PLEKHM3: variants seen among roughly 807,000 people sequenced by gnomAD.
The protein encoded by PLEKHM3 is pleckstrin homology domain-containing family M member 3.
A neutral mutation model predicts 81.8 loss-of-function variants in PLEKHM3; 45 were observed. That is an observed-to-expected ratio of 0.55 (90% CI 0.43 to 0.71). PLEKHM3 has a LOEUF of 0.71. Among genes scored for constraint, PLEKHM3 ranks in the 30% least tolerant of loss-of-function variants. The pLI is 0.00. For missense variants in PLEKHM3, 788 were observed against 924.3 expected (o/e 0.85, Z 1.91); for synonymous variants, 352 against 356.4 (o/e 0.99, Z 0.14).
At chr2:207,892,017 G>A (rs1361835653) in intron 6 of PLEKHM3, among the ~76,000 whole-genome samples, 1 of 152,146 alleles carries the variant, frequency 6.6e-6, no homozygotes, top group African/African-American at 2.4e-5. Flanking sequence ...TCGAAACTGA[G>A]GACACCCTTC....
chr2:208,015,921 C>T lies in PLEKHM3; in HGVS notation c.-319+9468G>A, dbSNP rs536923508. ...ATTGAAATAAATCGCTGGCCAGGCACGGTGGCTCATGCCCGTAATCCCAGC... is the reference window on the plus strand; with the variant it reads ...ATTGAAATAAATCGCTGGCCAGGCATGGTGGCTCATGCCCGTAATCCCAGC... On this transcript the variant is annotated intron_variant, in intron 1 of 7. Transcript: ENST00000427836. 7.9e-5 allele frequency among the ~76,000 whole-genome samples: 12 copies of T among 152,298 alleles called. No individual in the cohort carries two copies. The South Asian group carries it at 2.1e-3, about 26-fold the overall frequency.
chr2:208,003,827 A>C (rs1406181192), intron 1 of PLEKHM3, among the ~76,000 whole-genome samples: 1 of 152,238 alleles, frequency 6.6e-6, no homozygotes, highest in Non-Finnish European at 1.5e-5. Context: ...ATATACATAA[A>C]TATAATAAAT....
rs1324168402 is a variant in PLEKHM3 at position 207,843,848 on chromosome 2, G to T, written c.2109-15352C>A. Among the ~76,000 whole-genome samples the T allele has an allele frequency of 6.6e-6, 1 of 152,106 alleles. No homozygotes were observed. Among genetic ancestry groups the T allele is most frequent in the Non-Finnish European group, 1.5e-5 (1 of 68,024 alleles). On this transcript the variant is annotated intron_variant, in intron 7 of 7. Transcript: ENST00000427836. This position sits in a 1 kb window ranked among gnomAD's most constrained non-coding sequence, Gnocchi z 4.4. ...CTCATGCCTGTAATCCCAGCAATTT[G>T]GGAGGCCAGGGCAGGAGGATTGCTT... is the stretch of plus-strand genomic sequence containing the variant.
chr2:207,969,951 C>T (rs1691054437), intron 3 of PLEKHM3, among the ~76,000 whole-genome samples: 1 of 152,124 alleles, frequency 6.6e-6, no homozygotes, highest in African/African-American at 2.4e-5. Flanking sequence ...CATCCATTCC[C>T]ACAAATAAAG....
intron 7 of PLEKHM3, among the ~76,000 whole-genome samples, chr2:207,857,214 A>T (rs2092441427): frequency 6.6e-6 from 1 of 152,160 alleles, no homozygotes; most frequent in African/African-American, 2.4e-5. Flanking sequence ...TTTGTCTTAC[A>T]TATTTTGACT....
chr2:207,823,675 G>A lies in PLEKHM3; in HGVS notation c.*4644C>T, dbSNP rs2092232669. ...GCTGGTCTCAAACTCCTGACCTCAA[G>A]TGATCTGCCTGCCTTGGCCTCCCAA... is the stretch of plus-strand genomic sequence containing the variant. On this transcript the variant is annotated 3_prime_UTR_variant, in exon 8 of 8. Transcript: ENST00000427836. The A allele has an allele frequency of 1.3e-5, 2 of 152,196 alleles. No homozygotes were observed. The highest frequency in any genetic ancestry group is 2.9e-5 in the Non-Finnish European group (2 of 68,080). The allele number at this position is 152,196 out of a possible 1,614,324, so 9.4% of individuals were successfully genotyped here. A position where few individuals can be genotyped will look rare whatever the true frequency, so the allele number is the denominator to read the frequency against.
At chr2:207,842,036 C>T (rs2092357317) in intron 7 of PLEKHM3, among the ~76,000 whole-genome samples, 1 of 152,212 alleles carries the variant, frequency 6.6e-6, no homozygotes, top group African/African-American at 2.4e-5. Context: ...CTCCCGGGTT[C>T]AGGCCATTTT....
intron 7 of PLEKHM3, among the ~76,000 whole-genome samples, chr2:207,836,989 T>TAC (rs2092322883): frequency 6.9e-6 from 1 of 145,192 alleles, no homozygotes; most frequent in African/African-American, 2.4e-5. Context: ...TGAGTGCGGC[T>TAC]TTGCGTATGG....
At chr2:208,018,513 T>A (rs1693007526) in intron 1 of PLEKHM3, among the ~76,000 whole-genome samples, 2 of 151,872 alleles carry the variant, frequency 1.3e-5, no homozygotes. Flanking sequence ...AAAGGACATA[T>A]CCTCTGTCCC....
chr2:207,861,865 A>G (rs2092469432), intron 6 of PLEKHM3, among the ~76,000 whole-genome samples: 1 of 152,210 alleles, frequency 6.6e-6, no homozygotes, highest in Non-Finnish European at 1.5e-5. Flanking sequence ...AGTAATTTAA[A>G]AATTGGGAAA....
intron 7 of PLEKHM3, among the ~76,000 whole-genome samples, chr2:207,841,116 C>T (rs1056823410): frequency 6.6e-5 from 10 of 151,784 alleles, no homozygotes; most frequent in Non-Finnish European, 1.3e-4. Flanking sequence ...CAACTCTTTA[C>T]GTATTTAAAA....
intron 2 of PLEKHM3, among the ~76,000 whole-genome samples, chr2:207,981,395 G>A (rs1691518287): frequency 6.6e-6 from 1 of 152,148 alleles, no homozygotes; most frequent in African/African-American, 2.4e-5. Flanking sequence ...CAAGGCTGGA[G>A]TACAGTGGCA....
intron 6 of PLEKHM3, chr2:207,900,127 T>C (rs895426110): frequency 6.6e-6 from 1 of 152,198 alleles, no homozygotes; most frequent in African/African-American, 2.4e-5. Flanking sequence ...AGATGGTTTG[T>C]TTCTGCTCCA....
chr2:207,984,532 C>G (rs1299037368), intron 2 of PLEKHM3, among the ~76,000 whole-genome samples: 2 of 152,084 alleles, frequency 1.3e-5, no homozygotes, highest in East Asian at 3.9e-4. Flanking sequence ...AGGCGTGTGC[C>G]ACCACACCCA....
chr2:207,831,013 G>A (rs1424755124), intron 7 of PLEKHM3, among the ~76,000 whole-genome samples: 1 of 152,190 alleles, frequency 6.6e-6, no homozygotes, highest in Non-Finnish European at 1.5e-5. Flanking sequence ...TCAGCTAAAT[G>A]GAGACTACAT....
At chr2:207,984,741 T>A (rs1216805671) in intron 2 of PLEKHM3, among the ~76,000 whole-genome samples, 5 of 152,232 alleles carry the variant, frequency 3.3e-5, no homozygotes, top group African/African-American at 1.2e-4. Flanking sequence ...TGTTGACATG[T>A]CTTTTAAGTC....
intron 5 of PLEKHM3, among the ~76,000 whole-genome samples, chr2:207,912,012 GAGTACTAT>G (rs924427531): frequency 5.9e-5 from 9 of 152,110 alleles, no homozygotes; most frequent in Admixed American, 5.9e-4. Flanking sequence ...ACTCTTCCTG[GAGTACTAT>G]AACCAGTCAG....
In PLEKHM3 at chr2:207,822,733, AG is replaced by A. The variant is rs1216963151; in HGVS notation, c.*5585del. ...CTCCAAGAGCATCTATATGAAGAGT[AG>A]CCAGCAGGGAAGAAGCAAAGGGATC... On this transcript the variant is annotated 3_prime_UTR_variant, in exon 8 of 8. Coordinates refer to ENST00000427836, the MANE Select transcript of PLEKHM3 (RefSeq NM_001080475.3). 6.6e-6 allele frequency: 1 copy of A among 152,370 alleles called. No individual in the cohort carries two copies. Among genetic ancestry groups the A allele is most frequent in the African/African-American group, 2.4e-5 (1 of 41,460 alleles). The allele number at this position is 152,370 out of a possible 1,614,324, so 9.4% of individuals were successfully genotyped here. A position where few individuals can be genotyped will look rare whatever the true frequency, so the allele number is the denominator to read the frequency against.
At chr2:208,010,521 T>C (rs980558947) in intron 1 of PLEKHM3, among the ~76,000 whole-genome samples, 1 of 152,190 alleles carries the variant, frequency 6.6e-6, no homozygotes, top group East Asian at 1.9e-4. Flanking sequence ...AAAGAACCAC[T>C]TGAATTAGCT....
Sources: allele counts gnomAD v4.1 joint callset (sites outside exome capture counted in the v4.1 genomes callset), GRCh38; gene constraint gnomAD v4.1.1; non-coding constraint Gnocchi (gnomAD v3.1); transcripts MANE v1.5; gene names NCBI Gene and HGNC (gene_info 2026-07-23, HGNC 2026-07-21).